EPB41L3: variants seen among roughly 807,000 people sequenced by gnomAD.
EPB41L3 encodes the protein erythrocyte membrane protein band 4.1 like 3, also known as band 4.1-like protein 3.
A neutral mutation model predicts 127.1 loss-of-function variants in EPB41L3; 57 were observed. That is an observed-to-expected ratio of 0.45 (90% CI 0.36 to 0.56). The LOEUF is 0.56. Ranked by LOEUF, EPB41L3 falls within the 20% of genes least tolerant of loss-of-function variation. EPB41L3 has a pLI of 0.00. For missense variants in EPB41L3, 1,273 were observed against 1,372.2 expected, an observed-to-expected ratio of 0.93 and a Z score of 1.14; for synonymous variants, 572 against 549.5, an observed-to-expected ratio of 1.04 and a Z score of -0.57.
intron 16 of EPB41L3, chr18:5,399,439 A>G (rs191230320): frequency 1.5e-5 from 6 of 398,190 alleles, no homozygotes; most frequent in African/African-American, 1.0e-4. Flanking sequence ...TCTCATTTCT[A>G]AAATAAGAAT....
At chr18:5,425,426 T>C (rs796781519) in intron 9 of EPB41L3, among the ~76,000 whole-genome samples, 14 of 152,270 alleles carry the variant, frequency 9.2e-5, no homozygotes, top group African/African-American at 3.4e-4. Flanking sequence ...AGACATAGTG[T>C]GGCTTGTGAC....
In EPB41L3 at chr18:5,416,001, G is replaced by A. The variant is rs1466518033; in HGVS notation, c.1884C>T (p.Arg628=). The A allele has an allele frequency of 2.5e-6, 4 of 1,614,042 alleles. No individual in the cohort carries two copies. Among genetic ancestry groups the A allele is most frequent in the Non-Finnish European group, 8.5e-7 (1 of 1,180,026 alleles). ...PQSLQHYLPI[R]SPSLVPCFLF... ...GGAAACAGGGCACAAGGGACGGTGAGCGGATCGGGAGGTAATGCTGCAAGC... is the reference window on the plus strand; with the variant it reads ...GGAAACAGGGCACAAGGGACGGTGAACGGATCGGGAGGTAATGCTGCAAGC... The change falls in exon 13 of 23, where the codon CGC becomes CGT. Residue 628 remains arginine (R), a synonymous_variant. Coordinates refer to ENST00000341928, the MANE Select transcript of EPB41L3 (RefSeq NM_012307.5).
chr18:5,404,918 T>A (rs1015204374), intron 16 of EPB41L3, among the ~76,000 whole-genome samples: 2 of 152,210 alleles, frequency 1.3e-5, no homozygotes, highest in Non-Finnish European at 2.9e-5. Context: ...CATAACTGAA[T>A]ATTGTAAGGA....
intron 2 of EPB41L3, among the ~76,000 whole-genome samples, chr18:5,612,892 CA>C (rs2094745276): frequency 6.6e-6 from 1 of 152,116 alleles, no homozygotes; most frequent in African/African-American, 2.4e-5. Context: ...AGGTGTGCAC[CA>C]CCACATCCAG....
chr18:5,577,533 A>C, intron 3 of EPB41L3: 1 of 310,482 alleles, frequency 3.2e-6, no homozygotes. Context: ...TAAATTCAAC[A>C]CTCCAAAAAT....
chr18:5,458,718 T>C, intron 3 of EPB41L3, among the ~76,000 whole-genome samples: 1 of 152,206 alleles, frequency 6.6e-6, no homozygotes, highest in East Asian at 1.9e-4. Context: ...CTAAAAAGAC[T>C]GTTCTAAAAC....
intron 1 of EPB41L3, among the ~76,000 whole-genome samples, chr18:5,503,827 C>A (rs1339824343): frequency 6.6e-6 from 1 of 152,176 alleles, no homozygotes; most frequent in Admixed American, 6.5e-5. Flanking sequence ...TATATGCTGA[C>A]TACACTCTTG....
intron 1 of EPB41L3, chr18:5,540,419 T>A: frequency 1.0e-6 from 1 of 985,466 alleles, no homozygotes; most frequent in Non-Finnish European, 1.2e-6. Flanking sequence ...ATGCTTCAGA[T>A]GGTCTGGTTT....
At chr18:5,437,380 C>A (rs373208860) in intron 6 of EPB41L3, among the ~76,000 whole-genome samples, 2 of 152,196 alleles carry the variant, frequency 1.3e-5, no homozygotes, top group African/African-American at 4.8e-5. Context: ...TGATCTCAAA[C>A]TTCTAGTCTC....
Position 5,457,626 on chromosome 18 carries a change from G to A in EPB41L3, c.382-12382C>T, listed in dbSNP as rs543501565. On this transcript the variant is annotated intron_variant, in intron 3 of 22. Transcript: ENST00000341928. ...TTAGCTATCAGATTCAGTAGTGAGA[G>A]ATGCTTCTGGTACACAGACAGCAAA... 4.6e-5 allele frequency among the ~76,000 whole-genome samples: 7 copies of A among 152,318 alleles called. No individual in the cohort carries two copies. The South Asian group carries it at 1.5e-3, about 32-fold the overall frequency.
In EPB41L3 at chr18:5,397,438, G is replaced by C; in HGVS notation, c.2473-12C>G. On this transcript the variant is annotated splice_polypyrimidine_tract_variant and intron_variant, in intron 17 of 22. Coordinates refer to ENST00000341928, the MANE Select transcript of EPB41L3 (RefSeq NM_012307.5). The surrounding 1 kb of genome is among the most constrained non-coding windows in gnomAD (Gnocchi z 4.1). ...TTGGTTTCCATTTTCTGCATGGGAA[G>C]AGATTGTGGCATCAGTGTGACCATC... 1 of 1,597,678 alleles carries C rather than the reference G, an allele frequency of 6.3e-7. No homozygotes were observed. The highest frequency in any genetic ancestry group is 8.5e-7 in the Non-Finnish European group (1 of 1,171,090).
In EPB41L3 at chr18:5,397,530, T is replaced by G. The variant is rs2073767342; in HGVS notation, c.2473-104A>C. 2.2e-6 allele frequency: 3 copies of G among 1,377,614 alleles called. No individual in the cohort carries two copies. The highest frequency in any genetic ancestry group is 2.9e-6 in the Non-Finnish European group (3 of 1,022,450). The allele number at this position is 1,377,614 out of a possible 1,614,324, so 85.3% of individuals were successfully genotyped here. The stretch of plus-strand genomic sequence containing the variant: ...CAGGATGTCTAAAGCCAGCAGCAAG[T>G]GCTTATAACCAGAAACACTGACGAA... On this transcript the variant is annotated intron_variant, in intron 17 of 22. Coordinates refer to ENST00000341928, the MANE Select transcript of EPB41L3 (RefSeq NM_012307.5). This position sits in a 1 kb window ranked among gnomAD's most constrained non-coding sequence, Gnocchi z 4.1.
At chr18:5,620,132 TA>T (rs35117867) in intron 1 of EPB41L3, among the ~76,000 whole-genome samples, 8 of 149,446 alleles carry the variant, frequency 5.4e-5, no homozygotes, top group Non-Finnish European at 7.4e-5. Flanking sequence ...TTATCAAGTT[TA>T]AAAAAAAAAG....
chr18:5,485,394 T>C (rs2089562324), intron 2 of EPB41L3, among the ~76,000 whole-genome samples: 1 of 151,990 alleles, frequency 6.6e-6, no homozygotes, highest in Admixed American at 6.6e-5. Context: ...AGCATTGTAT[T>C]GAATTGTGAA....
Position 5,434,093 on chromosome 18 carries a change from C to G in EPB41L3, c.634G>C (p.Asp212His). 1.2e-6 allele frequency: 2 copies of G among 1,614,142 alleles called. No individual in the cohort carries two copies. The highest frequency in any genetic ancestry group is 2.2e-5 in the South Asian group (2 of 91,060). ...RYYLCLQLRDDIVSGRLPCSF... is the reference protein window; with the variant it reads ...RYYLCLQLRDHIVSGRLPCSF... ...CAGGGCAGCCTTCCGGACACGATGT[C>G]ATCTCGCAACTGCAAGCAGAGGTAG... Residue 212 changes from aspartate to histidine, a missense_variant, in exon 7 of 23, where the codon GAC becomes CAC. Coordinates refer to ENST00000341928, the MANE Select transcript of EPB41L3 (RefSeq NM_012307.5).
chr18:5,551,004 C>T (rs940693501), intron 3 of EPB41L3, among the ~76,000 whole-genome samples: 3 of 152,210 alleles, frequency 2.0e-5, no homozygotes, highest in Non-Finnish European at 4.4e-5. Flanking sequence ...TACAAGTCCT[C>T]AACCTCTCTA....
At chr18:5,441,405 A>G (rs1049419405) in intron 5 of EPB41L3, among the ~76,000 whole-genome samples, 1 of 152,054 alleles carries the variant, frequency 6.6e-6, no homozygotes, top group African/African-American at 2.4e-5. Flanking sequence ...TTGTGGCAAG[A>G]GGGCATTTTA....
At chr18:5,422,457 AC>A (rs2077596271) in intron 11 of EPB41L3, among the ~76,000 whole-genome samples, 1 of 90,980 alleles carries the variant, frequency 1.1e-5, no homozygotes, top group Non-Finnish European at 3.4e-5. Flanking sequence ...TGCACTTGTA[AC>A]TTTTGTTTAT....
intron 3 of EPB41L3, among the ~76,000 whole-genome samples, chr18:5,595,581 C>G (rs540646068): frequency 1.3e-5 from 2 of 152,180 alleles, no homozygotes; most frequent in African/African-American, 4.8e-5. Flanking sequence ...TATTTGTTAT[C>G]TGATGTGCCC....
Sources: gnomAD v4.1 joint callset for allele counts (sites outside exome capture counted in the v4.1 genomes callset) on GRCh38, gnomAD v4.1.1 for gene constraint, Gnocchi (gnomAD v3.1) non-coding constraint, MANE v1.5 for transcripts, NCBI Gene and HGNC (gene_info 2026-07-23, HGNC 2026-07-21) for gene names.